Variants in IL1RAPL2 observed in about 807,000 individuals in gnomAD.
IL1RAPL2 encodes the protein interleukin 1 receptor accessory protein like 2.
In IL1RAPL2, 3 loss-of-function variants were observed where a neutral mutation model predicts 44.1. The ratio of observed to expected loss-of-function variants is 0.07; its 90% CI spans 0.03 to 0.18. The LOEUF is 0.18. Among genes scored for constraint, IL1RAPL2 ranks in the 10% least tolerant of loss-of-function variants. The probability of loss-of-function intolerance (pLI) is 1.00; values close to 1 mark genes in which losing one functional copy is unlikely to be tolerated. For missense variants in IL1RAPL2, 391 were observed against 496.4 expected (o/e 0.79, Z 2.02); for synonymous variants, 181 against 178.8 (o/e 1.01, Z -0.10).
chrX:105,027,095 T>C (rs924713700), intron 2 of IL1RAPL2, among the ~76,000 whole-genome samples: 7 of 111,353 alleles, frequency 6.3e-5, no homozygotes, highest in African/African-American at 2.3e-4. Context: ...CTTCAACAAA[T>C]GGTGCTGGGA....
intron 2 of IL1RAPL2, among the ~76,000 whole-genome samples, chrX:104,971,901 G>A (rs747320874): frequency 5.4e-5 from 6 of 111,520 alleles, no homozygotes; most frequent in Non-Finnish European, 7.5e-5. Context: ...AATTTTTGAT[G>A]TACAAGAGAA....
At chrX:104,884,760 A>G (rs1923183315) in intron 2 of IL1RAPL2, among the ~76,000 whole-genome samples, 1 of 111,509 alleles carries the variant, frequency 9.0e-6, no homozygotes, top group South Asian at 3.8e-4. Flanking sequence ...AGAATACACA[A>G]CTATGCAAAG....
At chrX:105,256,619 G>A (rs1024219064) in intron 4 of IL1RAPL2, among the ~76,000 whole-genome samples, 9 of 111,342 alleles carry the variant, frequency 8.1e-5, no homozygotes, top group Non-Finnish European at 1.5e-4. Flanking sequence ...GTGAGCGACC[G>A]TGCCTGGCCT....
chrX:104,656,522 G>T (rs1417427570), intron 1 of IL1RAPL2, among the ~76,000 whole-genome samples: 1 of 111,950 alleles, frequency 8.9e-6, no homozygotes, highest in Non-Finnish European at 1.9e-5. Flanking sequence ...TAATTTGATT[G>T]CACTGTGGTC....
intron 2 of IL1RAPL2, among the ~76,000 whole-genome samples, 176 bp downstream of exon 2, chrX:104,659,171 G>A (rs778385533): frequency 1.5e-4 from 17 of 111,392 alleles, no homozygotes; most frequent in Non-Finnish European, 3.0e-4. Context: ...AGAAATTGTT[G>A]GGAAATCAGT....
chrX:104,987,930 A>G (rs1238056856), intron 2 of IL1RAPL2, among the ~76,000 whole-genome samples: 2 of 111,839 alleles, frequency 1.8e-5, no homozygotes, highest in African/African-American at 6.5e-5. Flanking sequence ...GGAAATTTTC[A>G]GTGTTTTTCT....
chrX:104,630,582 G>T (rs2034960104), intron 1 of IL1RAPL2, among the ~76,000 whole-genome samples: 1 of 110,795 alleles, frequency 9.0e-6, no homozygotes, highest in African/African-American at 3.3e-5. Context: ...ACAGGCCTGA[G>T]CCACTGTGCC....
At chrX:104,675,578 T>G (rs1187509522) in intron 2 of IL1RAPL2, among the ~76,000 whole-genome samples, 2,917 of 110,849 alleles carry the variant, frequency 0.026, 76 homozygotes, top group African/African-American at 0.071. Flanking sequence ...ATATTCTGTT[T>G]ATTTGGGGTG....
chrX:105,762,557 C>CTAAT (rs1341438145), intron 10 of IL1RAPL2, among the ~76,000 whole-genome samples: 102 of 111,995 alleles, frequency 9.1e-4, no homozygotes, highest in African/African-American at 3.1e-3. Flanking sequence ...TTTTCTTTCT[C>CTAAT]TAATTGTTGA....
intron 3 of IL1RAPL2, among the ~76,000 whole-genome samples, chrX:105,211,842 G>C (rs782516907): frequency 9.0e-6 from 1 of 111,557 alleles, no homozygotes; most frequent in Non-Finnish European, 1.9e-5. Flanking sequence ...GCAGAGGCAG[G>C]GTGAGGCGTC....
intron 6 of IL1RAPL2, among the ~76,000 whole-genome samples, chrX:105,700,945 G>A (rs1427510085): frequency 9.1e-6 from 1 of 110,451 alleles, no homozygotes; most frequent in Non-Finnish European, 1.9e-5. Context: ...GGTGCTTCAG[G>A]TTTACCACCC....
intron 2 of IL1RAPL2, among the ~76,000 whole-genome samples, chrX:104,807,707 G>C (rs946794158): frequency 9.9e-5 from 11 of 110,674 alleles, no homozygotes; most frequent in African/African-American, 3.6e-4. Context: ...TACAAAAATA[G>C]GATTCCACTA....
chrX:105,684,454 T>C (rs184178805), intron 6 of IL1RAPL2, among the ~76,000 whole-genome samples: 1 of 112,593 alleles, frequency 8.9e-6, no homozygotes, highest in African/African-American at 3.2e-5. Context: ...GAGTTTGAAC[T>C]ACGAGGCAGC....
chrX:104,947,117 G>A (rs1197132827), intron 2 of IL1RAPL2, among the ~76,000 whole-genome samples: 1 of 111,705 alleles, frequency 9.0e-6, no homozygotes, highest in Non-Finnish European at 1.9e-5. Flanking sequence ...TCTAACTGGT[G>A]TGAGATGGTA....
chrX:104,907,924 A>T (rs1170793540), intron 2 of IL1RAPL2, among the ~76,000 whole-genome samples: 27 of 109,209 alleles, frequency 2.5e-4, no homozygotes, highest in African/African-American at 7.3e-4. Context: ...CCCATTATTA[A>T]TGTGTGGGAG....
chrX:105,628,336 C>T (rs1307700273), intron 6 of IL1RAPL2, among the ~76,000 whole-genome samples: 1 of 111,422 alleles, frequency 9.0e-6, no homozygotes, highest in Non-Finnish European at 1.9e-5. Flanking sequence ...CCAAATCCTT[C>T]CTAACTTTTA....
chrX:105,722,846 T>TG lies in IL1RAPL2; in HGVS notation c.902+5354dup, dbSNP rs1327663079. On this transcript the variant is annotated intron_variant, in intron 7 of 10. Coordinates refer to ENST00000372582, the MANE Select transcript of IL1RAPL2 (RefSeq NM_017416.2). ...GTGTCTGGAAAGGGCCTGTGATGGC[T>TG]GGGGTAGCCCTGAAAATCTCTAGAA... 5.4e-5 allele frequency among the ~76,000 whole-genome samples: 6 copies of TG among 111,343 alleles called. No individual in the cohort carries two copies. The East Asian group carries it at 1.7e-3, about 32-fold the overall frequency.
intron 5 of IL1RAPL2, among the ~76,000 whole-genome samples, chrX:105,279,758 G>A (rs936253279): frequency 1.2e-4 from 13 of 112,070 alleles, no homozygotes; most frequent in East Asian, 2.8e-4. Context: ...GATTACAGGC[G>A]TGAGCCACCA....
chrX:105,390,916 A>G (rs1474978610), intron 5 of IL1RAPL2, among the ~76,000 whole-genome samples: 1 of 111,533 alleles, frequency 9.0e-6, no homozygotes, highest in African/African-American at 3.3e-5. Flanking sequence ...AAAAATTAAT[A>G]AGAAAATGGA....
Sources: gnomAD v4.1 joint callset for allele counts (sites outside exome capture counted in the v4.1 genomes callset) on GRCh38, gnomAD v4.1.1 for gene constraint, MANE v1.5 for transcripts, NCBI Gene and HGNC (gene_info 2026-07-23, HGNC 2026-07-21) for gene names.